Variants in SPMIP4 observed in about 807,000 individuals in gnomAD.
SPMIP4 encodes the protein sperm microtubule inner protein 4.
chr7:25,148,297 G>A, the SPMIP4 span, among the ~76,000 whole-genome samples: 1 of 152,078 alleles, frequency 6.6e-6, no homozygotes, highest in Non-Finnish European at 1.5e-5. Context: ...TCCTGAGCCT[G>A]GTGTGGTCGT....
chr7:25,134,714 C>G, the SPMIP4 span: 1 of 985,060 alleles, frequency 1.0e-6, no homozygotes, highest in Non-Finnish European at 1.2e-6. Context: ...AGAGTTACAC[C>G]TTCCAAAGTT....
chr7:25,142,195 C>A, the SPMIP4 span: 3 of 1,408,626 alleles, frequency 2.1e-6, no homozygotes, highest in Non-Finnish European at 3.0e-6. Context: ...AGAAGGAGCC[C>A]AGCACTCTCC....
the SPMIP4 span, chr7:25,136,515 T>G: frequency 1.2e-6 from 2 of 1,614,072 alleles, no homozygotes; most frequent in African/African-American, 1.3e-5. This position sits in a 1 kb window ranked among gnomAD's most constrained non-coding sequence, Gnocchi z 5.7. Flanking sequence ...AAGATGGGAG[T>G]TCATAGGTAG....
At chr7:25,144,294 G>A in the SPMIP4 span, among the ~76,000 whole-genome samples, 1 of 152,150 alleles carries the variant, frequency 6.6e-6, no homozygotes, top group Admixed American at 6.5e-5. Flanking sequence ...AATATCTCTG[G>A]AACAACCTGG....
At chr7:25,162,555 G>A in the SPMIP4 span, among the ~76,000 whole-genome samples, 1 of 152,028 alleles carries the variant, frequency 6.6e-6, no homozygotes, top group Admixed American at 6.6e-5. Flanking sequence ...AACCCAACTA[G>A]TAAGCAGAGA....
chr7:25,151,338 C>T, the SPMIP4 span, among the ~76,000 whole-genome samples: 4 of 151,780 alleles, frequency 2.6e-5, no homozygotes, highest in African/African-American at 9.7e-5. Context: ...TCTCATGCCT[C>T]AGCCTCCCGA....
the SPMIP4 span, chr7:25,154,913 T>G: frequency 8.7e-7 from 1 of 1,155,098 alleles, no homozygotes; most frequent in Non-Finnish European, 1.2e-6. Context: ...GTCACACATT[T>G]GTGACTTGAG....
chr7:25,154,896 C>T, the SPMIP4 span: 1 of 959,438 alleles, frequency 1.0e-6, no homozygotes. Flanking sequence ...GTTTCCTGAT[C>T]TATTGAGTCA....
chr7:25,151,611 T>G, the SPMIP4 span: 1 of 1,604,970 alleles, frequency 6.2e-7, no homozygotes, highest in African/African-American at 1.3e-5. Context: ...AATATACACC[T>G]TGACCTGGCC....
At chr7:25,129,176 A>G in the SPMIP4 span, among the ~76,000 whole-genome samples, 1 of 152,180 alleles carries the variant, frequency 6.6e-6, no homozygotes, top group African/African-American at 2.4e-5. Flanking sequence ...TCTAAGCCCA[A>G]TGGCTCCAAG....
chr7:25,128,685 C>T, the SPMIP4 span, among the ~76,000 whole-genome samples: 18 of 152,220 alleles, frequency 1.2e-4, no homozygotes, highest in Admixed American at 3.3e-4. The surrounding 1 kb of genome is among the most constrained non-coding windows in gnomAD (Gnocchi z 4.5). Context: ...GCTTGGTGCC[C>T]TACTCCCCAG....
chr7:25,175,897 T>C, the SPMIP4 span, among the ~76,000 whole-genome samples: 1 of 152,180 alleles, frequency 6.6e-6, no homozygotes, highest in Admixed American at 6.5e-5. Context: ...GACACTCTTT[T>C]GTAAGCTGTC....
At chr7:25,152,122 A>T in the SPMIP4 span, among the ~76,000 whole-genome samples, 1 of 151,610 alleles carries the variant, frequency 6.6e-6, no homozygotes, top group Non-Finnish European at 1.5e-5. Context: ...GAGAGATCTT[A>T]GGTAAATAGT....
the SPMIP4 span, among the ~76,000 whole-genome samples, chr7:25,140,070 C>T: frequency 3.3e-5 from 5 of 152,086 alleles, no homozygotes; most frequent in Non-Finnish European, 7.4e-5. Context: ...CATACAGGGT[C>T]GAATCTCTGG....
chr7:25,174,655 C>G, the SPMIP4 span, among the ~76,000 whole-genome samples: 6 of 152,116 alleles, frequency 3.9e-5, no homozygotes, highest in African/African-American at 1.4e-4. This position sits in a 1 kb window ranked among gnomAD's most constrained non-coding sequence, Gnocchi z 4.5. Context: ...TAATGAAATT[C>G]TATAATGAAA....
At chr7:25,151,510 A>AC in the SPMIP4 span, 4 of 826,868 alleles carry the variant, frequency 4.8e-6, no homozygotes, top group Non-Finnish European at 7.7e-6. Context: ...GGCATGTGCC[A>AC]CCATGTCAAG....
At chr7:25,132,443 G>A in the SPMIP4 span, among the ~76,000 whole-genome samples, 2 of 152,120 alleles carry the variant, frequency 1.3e-5, no homozygotes, top group Non-Finnish European at 2.9e-5. The surrounding 1 kb of genome is among the most constrained non-coding windows in gnomAD (Gnocchi z 5.0). Context: ...GAAATATCTA[G>A]GCTTTGTAGG....
chr7:25,141,747 C>CT, the SPMIP4 span, among the ~76,000 whole-genome samples: 3 of 151,188 alleles, frequency 2.0e-5, 1 homozygote, highest in South Asian at 4.2e-4. Context: ...AAAGAAATCT[C>CT]TTTTTTTTGA....
chr7:25,166,075 G>A, the SPMIP4 span, among the ~76,000 whole-genome samples: 1 of 152,110 alleles, frequency 6.6e-6, no homozygotes, highest in Admixed American at 6.6e-5. Flanking sequence ...TAAGGTTGCA[G>A]GAGAGGTGTC....
Sources: allele counts gnomAD v4.1 joint callset (sites outside exome capture counted in the v4.1 genomes callset), GRCh38; gene constraint gnomAD v4.1.1; non-coding constraint Gnocchi (gnomAD v3.1); transcripts MANE v1.5; gene names NCBI Gene and HGNC (gene_info 2026-07-23, HGNC 2026-07-21).